MTCL1: variants seen among roughly 807,000 people sequenced by gnomAD.
MTCL1 encodes microtubule crosslinking factor 1, also known as microtubule cross-linking factor 1.
In MTCL1, 79 loss-of-function variants were observed where a neutral mutation model predicts 141.4. The observed-to-expected ratio is 0.56, with a 90% CI of 0.47 to 0.67. The LOEUF (loss-of-function observed/expected upper bound fraction) is 0.67, where lower values mean the gene tolerates loss of function less well. MTCL1 is among the 30% of genes least tolerant of loss of function. MTCL1 has a pLI of 0.00. For synonymous variants in MTCL1, 914 were observed against 875.8 expected, an observed-to-expected ratio of 1.04 and a Z score of -0.77; for missense variants, 2,177 against 2,113.9, an observed-to-expected ratio of 1.03 and a Z score of -0.59.
At position 8,802,726 on chromosome 18, in the gene MTCL1, T is replaced by TA. The variant is rs1344035558; in HGVS notation, c.2437-4165dup. On this transcript the variant is annotated intron_variant, in intron 10 of 16. Coordinates refer to ENST00000359865, the Ensembl canonical transcript of MTCL1. Reference sequence around the variant, plus strand: ...AAGAGAGCTGAGCTAGGTGAGGCTGTAATGCCCTTAGGTGGAGGAGAGGGA... The same window carrying TA: ...AAGAGAGCTGAGCTAGGTGAGGCTGTAAATGCCCTTAGGTGGAGGAGAGGGA... Among the ~76,000 whole-genome samples, 4 of 152,304 alleles carry TA rather than the reference T, an allele frequency of 2.6e-5. No individual in the cohort carries two copies. The East Asian group carries it at 7.7e-4, about 29-fold the overall frequency.
intron 4 of MTCL1, among the ~76,000 whole-genome samples, chr18:8,747,190 C>T (rs570179463): frequency 2.0e-5 from 3 of 152,226 alleles, no homozygotes; most frequent in Admixed American, 6.5e-5. Context: ...TTTTCTAGTA[C>T]GGCTGCAACC....
At chr18:8,725,989 C>T (rs1362356952) in intron 4 of MTCL1, among the ~76,000 whole-genome samples, 1 of 151,822 alleles carries the variant, frequency 6.6e-6, no homozygotes, top group Non-Finnish European at 1.5e-5. Context: ...GACAGGGTTT[C>T]ACCATGTTAG....
chr18:8,729,010 A>T (rs1304699037), intron 4 of MTCL1, among the ~76,000 whole-genome samples: 1 of 151,684 alleles, frequency 6.6e-6, no homozygotes, highest in African/African-American at 2.4e-5. Flanking sequence ...TGCTGGGATT[A>T]TAGATGTGAG....
chr18:8,760,370 A>G (rs1163013586), intron 4 of MTCL1, among the ~76,000 whole-genome samples: 1 of 152,226 alleles, frequency 6.6e-6, no homozygotes, highest in Non-Finnish European at 1.5e-5. Context: ...AGGATTCGGG[A>G]TCTCAAATAT....
chr18:8,787,074 T>G (rs2096558840), intron 7 of MTCL1: 1 of 152,680 alleles, frequency 6.5e-6, no homozygotes, highest in Non-Finnish European at 1.5e-5. Flanking sequence ...CAGAGAGCTC[T>G]CCTCCTGGAT....
At chr18:8,734,364 A>G (rs569031850) in intron 4 of MTCL1, among the ~76,000 whole-genome samples, 125 of 152,266 alleles carry the variant, frequency 8.2e-4, no homozygotes, top group Non-Finnish European at 1.4e-3. Flanking sequence ...GGTTGGCTGC[A>G]CAAGGTTTGT....
At chr18:8,797,133 A>G (rs1308674528) in intron 9 of MTCL1, among the ~76,000 whole-genome samples, 1 of 152,240 alleles carries the variant, frequency 6.6e-6, no homozygotes, top group Non-Finnish European at 1.5e-5. Flanking sequence ...GCTCATTTAT[A>G]AAATTCATTG....
chr18:8,706,397 C>G, exon 1 of MTCL1: 2 of 1,229,364 alleles, frequency 1.6e-6, no homozygotes, highest in Non-Finnish European at 2.0e-6. Context: ...CGTGAACCCC[C>G]ACGAGGAGCG....
chr18:8,786,651 C>G (rs779889888), intron 7 of MTCL1: 13 of 291,038 alleles, frequency 4.5e-5, no homozygotes, highest in Middle Eastern at 1.3e-3. Context: ...CCACAGAGAC[C>G]ATGGTTGGAA....
intron 9 of MTCL1, among the ~76,000 whole-genome samples, chr18:8,796,811 A>T (rs2075940324): frequency 6.6e-6 from 1 of 152,240 alleles, no homozygotes; most frequent in African/African-American, 2.4e-5. Context: ...TGAAACCTGC[A>T]TGATGTTCAT....
intron 4 of MTCL1, among the ~76,000 whole-genome samples, chr18:8,742,393 T>G (rs1467942695): frequency 6.6e-6 from 1 of 152,176 alleles, no homozygotes; most frequent in African/African-American, 2.4e-5. Context: ...GAGGTTTAAT[T>G]GACTCACAGT....
chr18:8,780,143 G>C (rs2096527816), intron 5 of MTCL1, among the ~76,000 whole-genome samples: 1 of 152,222 alleles, frequency 6.6e-6, no homozygotes, highest in African/African-American at 2.4e-5. Context: ...TGTTGGGGAA[G>C]ACCCCCAGGG....
chr18:8,824,749 C>G, exon 15 of MTCL1: 1 of 1,614,064 alleles, frequency 6.2e-7, no homozygotes, highest in Non-Finnish European at 8.5e-7. Context: ...ATGGACATCT[C>G]CCCCTTCCTG....
At chr18:8,771,999 T>C (rs1362955024) in intron 4 of MTCL1, among the ~76,000 whole-genome samples, 1 of 152,222 alleles carries the variant, frequency 6.6e-6, no homozygotes, top group African/African-American at 2.4e-5. Flanking sequence ...ACACGCAAAT[T>C]GTCCTGCACC....
At chr18:8,720,219 G>T (rs2096160222) in intron 3 of MTCL1, 119 bp from the exon 3 acceptor site, 5 of 893,536 alleles carry the variant, frequency 5.6e-6, no homozygotes, top group Non-Finnish European at 8.6e-6. Context: ...GTATTGCCAG[G>T]GTCTTTGCTA....
chr18:8,784,520 C>T lies in MTCL1; in HGVS notation c.1408C>T (p.Arg470Cys), dbSNP rs201898483. ...CCAGCGGCTAGAGCGGACGGTGGAG[C>T]GCCTCATCACGGACACCGACAGCTT... Residue 470 changes from arginine (R) to cysteine (C), a missense_variant, in exon 6 of 17, where the codon CGC (arginine) becomes TGC (cysteine). Physicochemically the swap from Arg to Cys is radical, Grantham distance 180 (BLOSUM62 -3). Coordinates refer to ENST00000359865, the Ensembl canonical transcript of MTCL1. 1.3e-4 allele frequency: 209 copies of T among 1,601,966 alleles called. No homozygotes were observed. Among genetic ancestry groups the T allele is most frequent in the South Asian group, 3.7e-4 (33 of 88,630 alleles).
At chr18:8,813,901 T>C (rs571561142) in intron 12 of MTCL1, among the ~76,000 whole-genome samples, 1 of 152,218 alleles carries the variant, frequency 6.6e-6, no homozygotes, top group Non-Finnish European at 1.5e-5. Flanking sequence ...ACAGTTTGCA[T>C]AGTTGCAGTA....
intron 4 of MTCL1, among the ~76,000 whole-genome samples, chr18:8,768,131 G>A (rs1202139827): frequency 6.6e-6 from 1 of 152,084 alleles, no homozygotes; most frequent in Non-Finnish European, 1.5e-5. Context: ...AAAGAGTTCT[G>A]TAGTGAAAAC....
At chr18:8,768,009 G>A (rs1042240631) in intron 4 of MTCL1, among the ~76,000 whole-genome samples, 2 of 152,234 alleles carry the variant, frequency 1.3e-5, no homozygotes, top group South Asian at 4.2e-4. Flanking sequence ...TAGTAATCAC[G>A]ATTTTTAATG....
Sources: gnomAD v4.1 joint callset for allele counts (sites outside exome capture counted in the v4.1 genomes callset) on GRCh38, gnomAD v4.1.1 for gene constraint, MANE v1.5 for transcripts, NCBI Gene and HGNC (gene_info 2026-07-23, HGNC 2026-07-21) for gene names.